The following ASIC2 variants were observed in gnomAD, a reference collection of about 807,000 sequenced individuals.
The protein encoded by ASIC2 is acid sensing ion channel subunit 2.
A neutral mutation model predicts 57.3 loss-of-function variants in ASIC2; 25 were observed. The observed-to-expected ratio is 0.44, with a 90% CI of 0.32 to 0.61. The LOEUF is 0.61. Ranked by LOEUF, ASIC2 falls within the 20% of genes least tolerant of loss-of-function variation. The pLI is 0.06. For synonymous variants in ASIC2, 319 were observed against 307.5 expected, an observed-to-expected ratio of 1.04 and a Z score of -0.39; for missense variants, 641 against 738.1, an observed-to-expected ratio of 0.87 and a Z score of 1.52.
chr17:33,286,086 T>C (rs1400125288), intron 1 of ASIC2, among the ~76,000 whole-genome samples: 1 of 152,258 alleles, frequency 6.6e-6, no homozygotes, highest in Non-Finnish European at 1.5e-5. Context: ...TCCCAACTAC[T>C]GGACTGCCTG....
intron 1 of ASIC2, among the ~76,000 whole-genome samples, chr17:34,040,916 G>C (rs1908105896): frequency 6.6e-6 from 1 of 152,160 alleles, no homozygotes; most frequent in Admixed American, 6.6e-5. Flanking sequence ...TTACCGTTTT[G>C]ATCATTTTAC....
chr17:33,734,124 A>G (rs1909834141), intron 1 of ASIC2, among the ~76,000 whole-genome samples: 1 of 152,166 alleles, frequency 6.6e-6, no homozygotes. Flanking sequence ...CACAGCCTGC[A>G]TCTGCGCCAG....
intron 1 of ASIC2, among the ~76,000 whole-genome samples, chr17:34,075,253 T>C (rs1391523830): frequency 6.6e-6 from 1 of 152,104 alleles, no homozygotes; most frequent in African/African-American, 2.4e-5. Flanking sequence ...TGTCACAAGC[T>C]CTGATGCAGA....
chr17:33,555,422 G>GA (rs1915878205), intron 1 of ASIC2, among the ~76,000 whole-genome samples: 1 of 99,466 alleles, frequency 1.0e-5, no homozygotes, highest in Admixed American at 9.2e-5. Flanking sequence ...TGCAAAGTGA[G>GA]ACCCCCCAGC....
chr17:33,188,103 G>A (rs1167576349), intron 1 of ASIC2, among the ~76,000 whole-genome samples: 1 of 152,060 alleles, frequency 6.6e-6, no homozygotes, highest in Admixed American at 6.6e-5. Context: ...GTGTGTGTGA[G>A]CATGCTAAGG....
chr17:33,102,949 A>G (rs2092218254), intron 2 of ASIC2, among the ~76,000 whole-genome samples: 1 of 151,870 alleles, frequency 6.6e-6, no homozygotes, highest in South Asian at 2.1e-4. Flanking sequence ...ACGCCCGGCT[A>G]ATTTTTTGTA....
At chr17:33,369,899 C>T (rs966987411) in intron 1 of ASIC2, among the ~76,000 whole-genome samples, 35 of 152,258 alleles carry the variant, frequency 2.3e-4, no homozygotes, top group African/African-American at 8.2e-4. Flanking sequence ...TGGAAGGGTA[C>T]CTGCTTGCCC....
intron 1 of ASIC2, among the ~76,000 whole-genome samples, chr17:33,179,948 G>A (rs1036726705): frequency 1.1e-4 from 16 of 152,140 alleles, no homozygotes; most frequent in African/African-American, 2.7e-4. Context: ...TACAGATTCC[G>A]TCAGATACAT....
At chr17:34,141,973 C>A (rs1912284333) in intron 1 of ASIC2, among the ~76,000 whole-genome samples, 1 of 152,124 alleles carries the variant, frequency 6.6e-6, no homozygotes, top group Non-Finnish European at 1.5e-5. Context: ...CACTTGAGCT[C>A]CCAGGAGTTT....
At chr17:33,204,462 G>A (rs1906988163) in intron 1 of ASIC2, among the ~76,000 whole-genome samples, 1 of 152,184 alleles carries the variant, frequency 6.6e-6, no homozygotes, top group Admixed American at 6.5e-5. Flanking sequence ...TATTTGTTGT[G>A]TCTACTGCCT....
chr17:33,371,281 G>T (rs1909049180), intron 1 of ASIC2, among the ~76,000 whole-genome samples: 1 of 152,180 alleles, frequency 6.6e-6, no homozygotes, highest in Non-Finnish European at 1.5e-5. Flanking sequence ...TGGGAATGTA[G>T]CCCAGCAAGT....
chr17:33,601,197 G>A (rs377026429), intron 1 of ASIC2, among the ~76,000 whole-genome samples: 29 of 152,312 alleles, frequency 1.9e-4, no homozygotes, highest in East Asian at 1.2e-3. Flanking sequence ...AAACTAGGGT[G>A]TATACAAGTG....
intron 1 of ASIC2, among the ~76,000 whole-genome samples, chr17:34,137,703 G>A (rs1036838401): frequency 1.3e-5 from 2 of 152,174 alleles, no homozygotes; most frequent in Non-Finnish European, 2.9e-5. Context: ...CAGTTCCAGA[G>A]GCTGGGAAGT....
At chr17:34,020,972 A>C (rs535148520) in intron 1 of ASIC2, among the ~76,000 whole-genome samples, 12 of 152,200 alleles carry the variant, frequency 7.9e-5, no homozygotes, top group African/African-American at 2.9e-4. Flanking sequence ...CTACCACCAA[A>C]TTATTATCAC....
chr17:33,405,030 A>C (rs1910419740), intron 1 of ASIC2, among the ~76,000 whole-genome samples: 1 of 151,412 alleles, frequency 6.6e-6, no homozygotes, highest in African/African-American at 2.4e-5. Flanking sequence ...CTTGAACGCC[A>C]GGACACTCTG....
intron 7 of ASIC2, among the ~76,000 whole-genome samples, chr17:33,020,090 C>G (rs2091828988): frequency 6.6e-6 from 1 of 152,092 alleles, no homozygotes; most frequent in African/African-American, 2.4e-5. Context: ...GCCACTTTAA[C>G]CCAGCTGGGA....
chr17:33,255,396 G>T (rs1299308440), intron 1 of ASIC2, among the ~76,000 whole-genome samples: 2 of 152,058 alleles, frequency 1.3e-5, no homozygotes, highest in Non-Finnish European at 1.5e-5. Flanking sequence ...TGGAAAAAAA[G>T]AGAGTGGTTA....
At chr17:33,676,863 G>A (rs1419140826) in intron 1 of ASIC2, among the ~76,000 whole-genome samples, 1 of 152,178 alleles carries the variant, frequency 6.6e-6, no homozygotes, top group Non-Finnish European at 1.5e-5. Context: ...CCTGGTGGAG[G>A]TGGAAGGTGT....
At chr17:33,123,188 C>T (rs116659065) in intron 1 of ASIC2, among the ~76,000 whole-genome samples, 2,132 of 152,330 alleles carry the variant, frequency 0.014, 47 homozygotes, top group African/African-American at 0.046. Context: ...GATGTCTGCA[C>T]TCCCACTTTC....
Sources: allele counts gnomAD v4.1 joint callset (sites outside exome capture counted in the v4.1 genomes callset), GRCh38; gene constraint gnomAD v4.1.1; transcripts MANE v1.5; gene names NCBI Gene and HGNC (gene_info 2026-07-23, HGNC 2026-07-21).